The following CNTNAP3 variants were observed in gnomAD, a reference collection of about 807,000 sequenced individuals.
CNTNAP3 encodes the protein contactin-associated protein-like 3.
In CNTNAP3, 36 loss-of-function variants were observed where a neutral mutation model predicts 92.1. That is an observed-to-expected ratio of 0.39 (90% CI 0.30 to 0.52). CNTNAP3 has a LOEUF of 0.52. Ranked by LOEUF, CNTNAP3 falls within the 20% of genes least tolerant of loss-of-function variation. The probability of loss-of-function intolerance (pLI) is 0.76; values close to 1 mark genes in which losing one functional copy is unlikely to be tolerated. For synonymous variants in CNTNAP3, 232 were observed against 422.3 expected (o/e 0.55, Z 5.53); for missense variants, 534 against 1,069.6 (o/e 0.50, Z 6.98).
intron 21 of CNTNAP3, among the ~76,000 whole-genome samples, chr9:39,083,368 A>C (rs1344443953): frequency 6.6e-6 from 1 of 152,026 alleles, no homozygotes; most frequent in African/African-American, 2.4e-5. Context: ...TTTTTAAGAT[A>C]GTGTTTAAGG....
chr9:39,137,753 A>G (rs1821478238), intron 12 of CNTNAP3, among the ~76,000 whole-genome samples: 1 of 152,070 alleles, frequency 6.6e-6, no homozygotes, highest in African/African-American at 2.4e-5. Context: ...TGACCTCGTG[A>G]TCCACCTGCC....
chr9:39,101,783 GA>G, intron 17 of CNTNAP3, among the ~76,000 whole-genome samples: 1 of 151,476 alleles, frequency 6.6e-6, no homozygotes, highest in Non-Finnish European at 1.5e-5. Context: ...GAAACTGAAG[GA>G]ATGGATAAAA....
Position 39,140,556 on chromosome 9 carries a change from G to A in CNTNAP3, c.1839C>T (p.Gly613=), listed in dbSNP as rs991287561. 1.2e-6 allele frequency: 2 copies of A among 1,613,668 alleles called. No homozygotes were observed. Among genetic ancestry groups the A allele is most frequent in the Non-Finnish European group, 1.7e-6 (2 of 1,179,754 alleles). The part of the protein sequence containing the change: ...GLYYIDADGS[G]PLGPFLVYCN... ...AGTACACAAGAAATGGTCCCAGGGGGCCACTTCCATCTGCATCAATATAGT... is the reference window on the plus strand; with the variant it reads ...AGTACACAAGAAATGGTCCCAGGGGACCACTTCCATCTGCATCAATATAGT... Residue 613 remains glycine, a synonymous_variant, in exon 12 of 24, where the codon GGC becomes GGT. Transcript: ENST00000297668.
Position 39,072,623 on chromosome 9 carries a change from A to T in CNTNAP3, c.*1267T>A, listed in dbSNP as rs549043625. ...CATAAACCTGTGATCAGACTGGCAG[A>T]TTTAATAAACATCATGTAAATGCTA... On this transcript the variant is annotated 3_prime_UTR_variant, in exon 24 of 24. Coordinates refer to ENST00000297668, the MANE Select transcript of CNTNAP3 (RefSeq NM_033655.5). 1 of 152,342 alleles carries T rather than the reference A, an allele frequency of 6.6e-6. No individual in the cohort carries two copies. Among genetic ancestry groups the T allele is most frequent in the East Asian group, 1.9e-4 (1 of 5,188 alleles). 9.4% of individuals were successfully genotyped at this position (152,342 alleles called of 1,614,324 possible).
intron 20 of CNTNAP3, chr9:39,086,258 G>C (rs1322638517): frequency 8.6e-6 from 2 of 232,526 alleles, no homozygotes; most frequent in Non-Finnish European, 1.7e-5. Context: ...GGTGACTCAG[G>C]TCTATTTTCT....
intron 23 of CNTNAP3, among the ~76,000 whole-genome samples, chr9:39,078,000 G>A (rs1046278983): frequency 6.6e-6 from 1 of 152,164 alleles, no homozygotes; most frequent in Non-Finnish European, 1.5e-5. Context: ...GAGGCCAGGA[G>A]TTCGAAACCA....
intron 15 of CNTNAP3, among the ~76,000 whole-genome samples, chr9:39,106,013 C>G (rs1826596216): frequency 6.6e-6 from 1 of 152,072 alleles, no homozygotes; most frequent in Non-Finnish European, 1.5e-5. Flanking sequence ...ATGTATAACT[C>G]TTTCCTCAGT....
chr9:39,137,502 TTTTG>T (rs1009948469), intron 12 of CNTNAP3, among the ~76,000 whole-genome samples: 34 of 152,124 alleles, frequency 2.2e-4, no homozygotes, highest in African/African-American at 6.3e-4. Flanking sequence ...TGACTCTGGT[TTTTG>T]TTTGTTTTGT....
At chr9:39,074,417 A>C (rs429691) in intron 23 of CNTNAP3, among the ~76,000 whole-genome samples, 40,944 of 125,388 alleles carry the variant, frequency 0.33, 7,686 homozygotes, top group African/African-American at 0.46. Flanking sequence ...AATAAACCAA[A>C]CACCTATTAT....
intron 23 of CNTNAP3, among the ~76,000 whole-genome samples, chr9:39,076,960 A>G (rs1378612990): frequency 8.0e-6 from 1 of 124,750 alleles, no homozygotes; most frequent in East Asian, 1.9e-4. Flanking sequence ...CCTCTCAAAC[A>G]AACAAAGATT....
intron 10 of CNTNAP3, among the ~76,000 whole-genome samples, chr9:39,148,042 G>C (rs1821744886): frequency 6.6e-6 from 1 of 152,132 alleles, no homozygotes; most frequent in Non-Finnish European, 1.5e-5. Flanking sequence ...CTCAGAGAGA[G>C]CTGAGCTCCC....
intron 21 of CNTNAP3, among the ~76,000 whole-genome samples, chr9:39,084,341 C>T (rs1243635447): frequency 2.6e-5 from 4 of 151,732 alleles, no homozygotes; most frequent in African/African-American, 2.4e-5. Flanking sequence ...TACAGGCGCC[C>T]GCCACCATGC....
At chr9:39,135,743 A>G (rs1221529664) in intron 12 of CNTNAP3, among the ~76,000 whole-genome samples, 1 of 152,180 alleles carries the variant, frequency 6.6e-6, no homozygotes, top group Non-Finnish European at 1.5e-5. Context: ...CAGTTGGGCA[A>G]AATCATCTAA....
chr9:39,089,326 GC>G (rs1358405931), intron 18 of CNTNAP3, among the ~76,000 whole-genome samples: 2 of 152,098 alleles, frequency 1.3e-5, no homozygotes, highest in Non-Finnish European at 1.5e-5. Flanking sequence ...TTTCAATGTG[GC>G]CTCTTTCACT....
chr9:39,132,595 TGAA>T (rs1422018207), intron 13 of CNTNAP3, among the ~76,000 whole-genome samples: 2 of 152,118 alleles, frequency 1.3e-5, no homozygotes, highest in Non-Finnish European at 2.9e-5. Flanking sequence ...CTGGTCTTCA[TGAA>T]GAATTGTTAG....
Position 39,073,523 on chromosome 9 carries a change from T to C in CNTNAP3, c.*367A>G, listed in dbSNP as rs1398957960. On this transcript the variant is annotated 3_prime_UTR_variant, in exon 24 of 24. Coordinates refer to ENST00000297668, the MANE Select transcript of CNTNAP3 (RefSeq NM_033655.5). ...TTAAAAAATAAAGTAGGGCCACAGC[T>C]TTATAGCCATTTTCTCATCTAAAAC... 7 of 318,096 alleles carry C rather than the reference T, an allele frequency of 2.2e-5. No individual in the cohort carries two copies. Among genetic ancestry groups the C allele is most frequent in the African/African-American group, 1.5e-4 (7 of 47,054 alleles). 19.7% of individuals were successfully genotyped at this position (318,096 alleles called of 1,614,324 possible). A position where few individuals can be genotyped will look rare whatever the true frequency, so the allele number is the denominator to read the frequency against.
intron 18 of CNTNAP3, among the ~76,000 whole-genome samples, chr9:39,089,685 T>C (rs1234359186): frequency 6.6e-6 from 1 of 152,086 alleles, no homozygotes; most frequent in Non-Finnish European, 1.5e-5. Context: ...CAAACAGCAA[T>C]TATGAGGGTT....
intron 10 of CNTNAP3, among the ~76,000 whole-genome samples, chr9:39,145,969 A>G (rs1241413978): frequency 6.7e-6 from 1 of 148,580 alleles, no homozygotes; most frequent in African/African-American, 2.5e-5. Context: ...CCTGACTTGA[A>G]GATTCCACAA....
intron 12 of CNTNAP3, among the ~76,000 whole-genome samples, chr9:39,139,385 G>C (rs1355596193): frequency 6.6e-6 from 1 of 152,210 alleles, no homozygotes; most frequent in Non-Finnish European, 1.5e-5. Context: ...TCTTATGGCA[G>C]AACGCCTGTG....
Sources: allele counts gnomAD v4.1 joint callset (sites outside exome capture counted in the v4.1 genomes callset), GRCh38; gene constraint gnomAD v4.1.1; transcripts MANE v1.5; gene names NCBI Gene and HGNC (gene_info 2026-07-23, HGNC 2026-07-21).